Variants in SLC4A7 observed in about 807,000 individuals in gnomAD.
SLC4A7 encodes solute carrier family 4 member 7.
SLC4A7 carries 51 observed loss-of-function variants against 137.6 expected under a neutral mutation model. That is an observed-to-expected ratio of 0.37 (90% CI 0.30 to 0.47). The LOEUF (loss-of-function observed/expected upper bound fraction) is 0.47, where lower values mean the gene tolerates loss of function less well. SLC4A7 is among the 20% of genes least tolerant of loss of function. The probability of loss-of-function intolerance (pLI) is 1.00; values close to 1 mark genes in which losing one functional copy is unlikely to be tolerated. For synonymous variants in SLC4A7, 542 were observed against 518.6 expected (o/e 1.05, Z -0.61); for missense variants, 1,247 against 1,525.4 (o/e 0.82, Z 3.04).
chr3:27,441,392 C>A (rs1315955378), intron 3 of SLC4A7, among the ~76,000 whole-genome samples: 1 of 152,108 alleles, frequency 6.6e-6, no homozygotes, highest in Non-Finnish European at 1.5e-5. Context: ...TTATTTCTTC[C>A]TTAAGTTTGT....
chr3:27,390,784 T>C (rs868005288), intron 21 of SLC4A7, among the ~76,000 whole-genome samples: 1 of 152,168 alleles, frequency 6.6e-6, no homozygotes, highest in Admixed American at 6.5e-5. Flanking sequence ...GGTGGTCATG[T>C]AGCGCTAACT....
chr3:27,377,188 A>G (rs1174137496), intron 25 of SLC4A7, among the ~76,000 whole-genome samples: 3 of 152,100 alleles, frequency 2.0e-5, no homozygotes, highest in South Asian at 4.1e-4. Flanking sequence ...ACTTTTACTG[A>G]AAAATCTATT....
Position 27,376,252 on chromosome 3 carries a change from A to C in SLC4A7, c.*512T>G, listed in dbSNP as rs1169169668. 6.6e-6 allele frequency: 1 copy of C among 152,200 alleles called. No homozygotes were observed. The highest frequency in any genetic ancestry group is 2.4e-5 in the African/African-American group (1 of 41,470). 9.4% of individuals were successfully genotyped at this position (152,200 alleles called of 1,614,324 possible). ...ATGGCTAAGAAAACGCCAGTTAGTG[A>C]AACACGATGGACATCTACAGAAATG... is the stretch of plus-strand genomic sequence containing the variant. On this transcript the variant is annotated 3_prime_UTR_variant, in exon 26 of 26. Coordinates refer to ENST00000454389, the MANE Select transcript of SLC4A7 (RefSeq NM_001321103.2).
intron 1 of SLC4A7, among the ~76,000 whole-genome samples, chr3:27,483,837 C>G (rs999451861): frequency 6.6e-6 from 1 of 150,826 alleles, no homozygotes; most frequent in Non-Finnish European, 1.5e-5. Flanking sequence ...CGGCGCGCCG[C>G]CGGCCGCCCC....
chr3:27,464,916 G>T (rs2058899281), intron 1 of SLC4A7, among the ~76,000 whole-genome samples: 1 of 152,134 alleles, frequency 6.6e-6, no homozygotes, highest in African/African-American at 2.4e-5. Flanking sequence ...TGTTAGCCAG[G>T]ACTCCATTTC....
intron 13 of SLC4A7, 87 bp from the exon 14 acceptor site, chr3:27,405,050 A>G (rs1367997373): frequency 2.4e-6 from 2 of 833,554 alleles, no homozygotes; most frequent in Non-Finnish European, 1.7e-6. Flanking sequence ...CATCTGGAAA[A>G]TAAAAATACC....
At chr3:27,473,705 C>CAAAAA (rs747183440) in intron 1 of SLC4A7, among the ~76,000 whole-genome samples, 6 of 59,464 alleles carry the variant, frequency 1.0e-4, no homozygotes, top group East Asian at 5.1e-4. Flanking sequence ...GACCTCATGT[C>CAAAAA]AAAAAAAAAA....
In SLC4A7 at chr3:27,405,102, T is replaced by G. The variant is rs202133078; in HGVS notation, c.1942-139A>C. The G allele has an allele frequency of 5.7e-5, 26 of 454,558 alleles. 1 individual carries two copies. Among genetic ancestry groups the G allele is most frequent in the Non-Finnish European group, 1.5e-5 (4 of 267,780 alleles). 28.2% of individuals were successfully genotyped at this position (454,558 alleles called of 1,614,324 possible). A position where few individuals can be genotyped will look rare whatever the true frequency, so the allele number is the denominator to read the frequency against. ...AACCAACACCACTTTGAGTTTTTAATTTAAAATATAAAAAATTACAAATAC... is the reference window on the plus strand; with the variant it reads ...AACCAACACCACTTTGAGTTTTTAAGTTAAAATATAAAAAATTACAAATAC... On this transcript the variant is annotated intron_variant, in intron 13 of 25. Coordinates refer to ENST00000454389, the MANE Select transcript of SLC4A7 (RefSeq NM_001321103.2).
At chr3:27,471,661 C>A (rs894764460) in intron 1 of SLC4A7, among the ~76,000 whole-genome samples, 2 of 152,150 alleles carry the variant, frequency 1.3e-5, no homozygotes, top group Non-Finnish European at 2.9e-5. Flanking sequence ...CGTGAGCCAC[C>A]GCGCCCAGCT....
intron 21 of SLC4A7, among the ~76,000 whole-genome samples, chr3:27,390,478 G>A (rs7621096): frequency 4.6e-5 from 7 of 152,032 alleles, no homozygotes; most frequent in Non-Finnish European, 8.8e-5. Context: ...GACTTCTAAG[G>A]TTCTTCACAA....
chr3:27,443,541 C>T (rs562364439), intron 3 of SLC4A7, among the ~76,000 whole-genome samples: 1 of 151,572 alleles, frequency 6.6e-6, no homozygotes, highest in Admixed American at 6.6e-5. Context: ...ATTTTGTTTC[C>T]CATCTCCTCC....
chr3:27,418,560 G>T lies in SLC4A7; in HGVS notation c.1585C>A (p.Gln529Lys). ...TCTCCTGGAGGTAGGACAGTTACTT[G>T]ATCTAAAAATTCATCAATTCCAGAT... ...LLSGIDEFLD[Q>K]VTVLPPGEWD... Residue 529 changes from glutamine (Q) to lysine (K), a missense_variant, in exon 11 of 26, where the codon CAA (glutamine) becomes AAA (lysine). This residue lies in a region of SLC4A7 where 499 missense variants were observed against 664.2 expected (regional missense o/e 0.75). Coordinates refer to ENST00000454389, the MANE Select transcript of SLC4A7 (RefSeq NM_001321103.2). The T allele has an allele frequency of 1.2e-6, 2 of 1,605,720 alleles. No homozygotes were observed. Among genetic ancestry groups the T allele is most frequent in the Non-Finnish European group, 1.7e-6 (2 of 1,172,568 alleles).
chr3:27,377,308 ATCTAT>A (rs1344502195), intron 25 of SLC4A7, among the ~76,000 whole-genome samples: 2 of 152,192 alleles, frequency 1.3e-5, no homozygotes, highest in Non-Finnish European at 2.9e-5. Flanking sequence ...AAACCAATAC[ATCTAT>A]TCTATATATT....
intron 11 of SLC4A7, among the ~76,000 whole-genome samples, chr3:27,413,133 A>G (rs1040495777): frequency 3.9e-5 from 6 of 152,144 alleles, no homozygotes; most frequent in Non-Finnish European, 7.4e-5. Context: ...TTATATACAT[A>G]CACAAATACA....
At chr3:27,426,177 T>C (rs145904737) in intron 7 of SLC4A7, among the ~76,000 whole-genome samples, 1 of 152,252 alleles carries the variant, frequency 6.6e-6, no homozygotes. Flanking sequence ...TAAACTACAA[T>C]GTTGATGTGA....
chr3:27,480,043 C>G (rs879879230), intron 1 of SLC4A7, among the ~76,000 whole-genome samples: 1 of 152,166 alleles, frequency 6.6e-6, no homozygotes, highest in Non-Finnish European at 1.5e-5. Context: ...GGTTAGCACA[C>G]CACATCCCAC....
chr3:27,387,006 T>C (rs1322485774), intron 22 of SLC4A7, among the ~76,000 whole-genome samples: 1 of 152,212 alleles, frequency 6.6e-6, no homozygotes, highest in Non-Finnish European at 1.5e-5. Flanking sequence ...ATTCAAGTGA[T>C]AAAATTCCAA....
At chr3:27,396,498 A>C (rs1296902184) in intron 18 of SLC4A7, among the ~76,000 whole-genome samples, 1 of 152,098 alleles carries the variant, frequency 6.6e-6, no homozygotes, top group Non-Finnish European at 1.5e-5. Context: ...AATAAACCTA[A>C]AGTTTAATAT....
intron 10 of SLC4A7, among the ~76,000 whole-genome samples, chr3:27,419,762 T>C (rs865870683): frequency 6.6e-6 from 1 of 152,016 alleles, no homozygotes; most frequent in Non-Finnish European, 1.5e-5. Flanking sequence ...TAAATACTCA[T>C]AAAGGCTACT....
Sources: gnomAD v4.1 joint callset for allele counts (sites outside exome capture counted in the v4.1 genomes callset) on GRCh38, gnomAD v4.1.1 for gene constraint, gnomAD v4.1.1 regional missense constraint, MANE v1.5 for transcripts, NCBI Gene and HGNC (gene_info 2026-07-23, HGNC 2026-07-21) for gene names.